PLCE1: variants seen among roughly 807,000 people sequenced by gnomAD.
PLCE1 encodes the protein 1-phosphatidylinositol 4,5-bisphosphate phosphodiesterase epsilon-1.
A neutral mutation model predicts 242.8 loss-of-function variants in PLCE1; 119 were observed. The ratio of observed to expected loss-of-function variants is 0.49; its 90% CI spans 0.42 to 0.57. The LOEUF is 0.57. Ranked by LOEUF, PLCE1 falls within the 20% of genes least tolerant of loss-of-function variation. The probability of loss-of-function intolerance (pLI) is 0.00; values close to 1 mark genes in which losing one functional copy is unlikely to be tolerated. For missense variants in PLCE1, 2,441 were observed against 2,788.8 expected (o/e 0.88, Z 2.81); for synonymous variants, 945 against 1,017.4 (o/e 0.93, Z 1.35).
chr10:94,148,545 G>A lies in PLCE1; in HGVS notation c.1492+16086G>A, dbSNP rs565235511. Among the ~76,000 whole-genome samples the A allele has an allele frequency of 3.9e-5, 6 of 152,254 alleles. No individual in the cohort carries two copies. In the South Asian group the frequency reaches 1.2e-3, roughly 32 times the overall value. The stretch of plus-strand genomic sequence containing the variant: ...TCACCTGCCCTAGAAGGTCTCTCTG[G>A]TCTTCCTCCCTAGTTCAGTTGGATC... On this transcript the variant is annotated intron_variant, in intron 3 of 32. Coordinates refer to ENST00000371380, the MANE Select transcript of PLCE1 (RefSeq NM_016341.4).
Position 94,075,226 on chromosome 10 carries a change from C to T in PLCE1, c.1206+42974C>T, listed in dbSNP as rs77247343. Among the ~76,000 whole-genome samples, 1,501 of 152,310 alleles carry T rather than the reference C, an allele frequency of 9.9e-3. 7 individuals carry two copies. Among genetic ancestry groups the T allele is most frequent in the Non-Finnish European group, 0.018 (1,206 of 68,030 alleles). ...GAATGGCTAGTTAGTCAGGGATGTGCCCATGTCCCCAGCTAGACTGGGAGC... is the reference window on the plus strand; with the variant it reads ...GAATGGCTAGTTAGTCAGGGATGTGTCCATGTCCCCAGCTAGACTGGGAGC... On this transcript the variant is annotated intron_variant, in intron 2 of 32. Transcript: ENST00000371380.
At chr10:94,326,806 T>C (rs990558421) in intron 32 of PLCE1, among the ~76,000 whole-genome samples, 7 of 152,230 alleles carry the variant, frequency 4.6e-5, no homozygotes, top group Non-Finnish European at 8.8e-5. Context: ...ACTTTTTTTT[T>C]CTTTTTCTAA....
intron 4 of PLCE1, among the ~76,000 whole-genome samples, chr10:94,213,516 C>T (rs2049414321): frequency 6.6e-6 from 1 of 152,182 alleles, no homozygotes; most frequent in African/African-American, 2.4e-5. Flanking sequence ...TCCCTACCTC[C>T]TCAGAGAGCC....
rs2046958306 is a variant in PLCE1, at chr10:94,141,548, TAAGGGAAGGTG to T, written c.1492+9099_1492+9109del. On this transcript the variant is annotated intron_variant, in intron 3 of 32. Coordinates refer to ENST00000371380, the MANE Select transcript of PLCE1 (RefSeq NM_016341.4). The stretch of plus-strand genomic sequence containing the variant: ...GGCTAAGGGAAGGTGAAGGGAAGGC[TAAGGGAAGGTG>T]AAGGGAAGGCTAAGGGAAGGTGAAG... 1.3e-3 allele frequency among the ~76,000 whole-genome samples: 117 copies of T among 90,320 alleles called. 7 individuals carry two copies. The highest frequency in any genetic ancestry group is 5.0e-3 in the African/African-American group (108 of 21,582). The allele number at this position is 90,320 out of a possible 152,430, so 59.3% of individuals were successfully genotyped here. A position where few individuals can be genotyped will look rare whatever the true frequency, so the allele number is the denominator to read the frequency against.
At position 94,316,709 on chromosome 10, in the gene PLCE1, C is replaced by G; in HGVS notation, c.6295C>G (p.Pro2099Ala). The G allele has an allele frequency of 6.2e-7, 1 of 1,613,980 alleles. No individual in the cohort carries two copies. The highest frequency in any genetic ancestry group is 8.5e-7 in the Non-Finnish European group (1 of 1,179,924). Residue 2099 changes from proline (P) to alanine (A), a missense_variant, in exon 29 of 33, where the codon CCA (proline) becomes GCA (alanine). By Grantham distance (27) the Pro-to-Ala change is conservative (BLOSUM62 -1). Coordinates refer to ENST00000371380, the MANE Select transcript of PLCE1 (RefSeq NM_016341.4). ...CATGCAAATTTTAAGCAGCTGGTTT[C>G]CAGAAGAGGGATACATGGGCAGGAT... is the stretch of plus-strand genomic sequence containing the variant. ...EIMQILSSWF[P>A]EEGYMGRIVL...
At chr10:94,200,425 G>T (rs1181134983) in intron 4 of PLCE1, among the ~76,000 whole-genome samples, 1 of 152,136 alleles carries the variant, frequency 6.6e-6, no homozygotes, top group Non-Finnish European at 1.5e-5. Flanking sequence ...GCCAAAGCTG[G>T]AGCAACTTGC....
At chr10:94,173,911 G>A (rs192369003) in intron 4 of PLCE1, among the ~76,000 whole-genome samples, 1 of 152,160 alleles carries the variant, frequency 6.6e-6, no homozygotes, top group Non-Finnish European at 1.5e-5. Context: ...TACTGGACAC[G>A]ACTGGAATAG....
intron 7 of PLCE1, among the ~76,000 whole-genome samples, chr10:94,244,988 AT>A (rs370215215): frequency 3.7e-4 from 57 of 152,226 alleles, no homozygotes; most frequent in African/African-American, 1.2e-3. Flanking sequence ...ATTGTATTTT[AT>A]TTTTAACAGT....
chr10:94,159,987 A>G (rs2047557187), intron 3 of PLCE1, among the ~76,000 whole-genome samples: 1 of 152,192 alleles, frequency 6.6e-6, no homozygotes, highest in Non-Finnish European at 1.5e-5. Flanking sequence ...CATGGTGTAT[A>G]TATGCCACAT....
Position 94,265,646 on chromosome 10 carries a change from G to C in PLCE1, c.4054-1G>C. The C allele has an allele frequency of 1.2e-6, 2 of 1,612,718 alleles. No homozygotes were observed. The highest frequency in any genetic ancestry group is 1.7e-6 in the Non-Finnish European group (2 of 1,178,970). ...ACACTTTTTTTTTTAATCCCTTGCAGAAGTTCGAGCCTAGCATCAGTATGT... is the reference window on the plus strand; with the variant it reads ...ACACTTTTTTTTTTAATCCCTTGCACAAGTTCGAGCCTAGCATCAGTATGT... On this transcript the variant is annotated splice_acceptor_variant, in intron 14 of 32. Transcript: ENST00000371380. LOFTEE classifies it high-confidence loss of function.
chr10:94,001,776 G>C (rs929398472), intron 1 of PLCE1, among the ~76,000 whole-genome samples: 1 of 152,198 alleles, frequency 6.6e-6, no homozygotes, highest in Non-Finnish European at 1.5e-5. Flanking sequence ...GATTCAGCGT[G>C]TTTTTCACAT....
intron 4 of PLCE1, among the ~76,000 whole-genome samples, chr10:94,226,823 C>T (rs530040117): frequency 1.4e-5 from 2 of 138,674 alleles, no homozygotes; most frequent in East Asian, 4.3e-4. Context: ...GATTAAGGAC[C>T]TATAGGTCTT....
At chr10:94,165,539 T>G (rs2047769880) in intron 3 of PLCE1, among the ~76,000 whole-genome samples, 1 of 152,186 alleles carries the variant, frequency 6.6e-6, no homozygotes, top group South Asian at 2.1e-4. Context: ...CTGTTCCTAT[T>G]CGGCTGTCTT....
chr10:94,200,116 A>C (rs2797995), intron 4 of PLCE1, among the ~76,000 whole-genome samples: 104,713 of 152,024 alleles, frequency 0.69, 37,540 homozygotes, highest in South Asian at 0.81. Flanking sequence ...CACATATATA[A>C]ACAAGTTAGT....
At chr10:94,246,745 G>C (rs1274478319) in intron 8 of PLCE1, 124 bp downstream of exon 8, 1 of 835,566 alleles carries the variant, frequency 1.2e-6, no homozygotes, top group Non-Finnish European at 1.9e-6. Context: ...ACCTTGGGCA[G>C]CTTTTACTTA....
At chr10:94,062,588 T>TTTG (rs1445035948) in intron 2 of PLCE1, among the ~76,000 whole-genome samples, 1 of 116,944 alleles carries the variant, frequency 8.6e-6, no homozygotes, top group Admixed American at 7.4e-5. Flanking sequence ...TTTTGTTTTT[T>TTTG]TTTTTGTTTT....
intron 13 of PLCE1, among the ~76,000 whole-genome samples, chr10:94,262,183 T>C (rs1214859099): frequency 6.6e-6 from 1 of 152,050 alleles, no homozygotes; most frequent in African/African-American, 2.4e-5. Context: ...GTATTTCTAG[T>C]AGAGACGGGG....
chr10:94,255,100 G>C, intron 11 of PLCE1, 51 bp downstream of exon 11: 1 of 1,561,916 alleles, frequency 6.4e-7, no homozygotes, highest in South Asian at 1.1e-5. Context: ...TATTCCAGTT[G>C]TGTGGAAGGG....
At chr10:94,190,926 A>T (rs1259637838) in intron 4 of PLCE1, among the ~76,000 whole-genome samples, 1 of 152,212 alleles carries the variant, frequency 6.6e-6, no homozygotes, top group Admixed American at 6.5e-5. Flanking sequence ...CTTCTAAGAC[A>T]TAAAGTGGGA....
Sources: allele counts gnomAD v4.1 joint callset (sites outside exome capture counted in the v4.1 genomes callset), GRCh38; gene constraint gnomAD v4.1.1; transcripts MANE v1.5; gene names NCBI Gene and HGNC (gene_info 2026-07-23, HGNC 2026-07-21).